The following USP13 variants were observed in gnomAD, a reference collection of about 807,000 sequenced individuals.
USP13 encodes ubiquitin specific peptidase 13.
USP13 carries 68 observed loss-of-function variants against 107.8 expected under a neutral mutation model. The ratio of observed to expected loss-of-function variants is 0.63; its 90% CI spans 0.52 to 0.77. The LOEUF (loss-of-function observed/expected upper bound fraction) is 0.77, where lower values mean the gene tolerates loss of function less well. USP13 is among the 30% of genes least tolerant of loss of function. The pLI is 0.00. For synonymous variants in USP13, 377 were observed against 389.5 expected (o/e 0.97, Z 0.38); for missense variants, 945 against 1,093.3 (o/e 0.86, Z 1.91).
chr3:179,728,339 G>A (rs111879533), intron 8 of USP13, among the ~76,000 whole-genome samples: 35,942 of 138,456 alleles, frequency 0.26, 5,036 homozygotes, highest in African/African-American at 0.39. Flanking sequence ...CTCACATCCC[G>A]GACGGGGCGG....
chr3:179,706,073 GTT>G, intron 4 of USP13, among the ~76,000 whole-genome samples: 1 of 151,874 alleles, frequency 6.6e-6, no homozygotes, highest in African/African-American at 2.4e-5. Context: ...TTGTGTACAG[GTT>G]TTTGTGTGGA....
chr3:179,722,052 C>T (rs1052804457), intron 8 of USP13, among the ~76,000 whole-genome samples: 17 of 130,042 alleles, frequency 1.3e-4, no homozygotes, highest in Non-Finnish European at 2.2e-4. Context: ...GGTAACAGAG[C>T]GAGAATCTGT....
At chr3:179,666,041 A>G (rs1226475636) in intron 1 of USP13, among the ~76,000 whole-genome samples, 2 of 152,308 alleles carry the variant, frequency 1.3e-5, no homozygotes, top group Admixed American at 6.5e-5. Flanking sequence ...GGACAAAGGT[A>G]TGGAGTTGGG....
Position 179,754,753 on chromosome 3 carries a change from A to T in USP13, c.1820A>T (p.Asp607Val). The T allele has an allele frequency of 6.2e-7, 1 of 1,613,478 alleles. No homozygotes were observed. The highest frequency in any genetic ancestry group is 8.5e-7 in the Non-Finnish European group (1 of 1,179,810). ...GCAGATGTTTCTATTGATATGCCAGACCTACTTGATATCAACCATCTCCGA... is the reference window on the plus strand; with the variant it reads ...GCAGATGTTTCTATTGATATGCCAGTCCTACTTGATATCAACCATCTCCGA... ...KKFDVSIDMP[D>V]LLDINHLRAR... The change falls in exon 15 of 21, where the codon GAC becomes GTC. Residue 607 changes from aspartate to valine, a missense_variant. Transcript: ENST00000263966.
intron 11 of USP13, among the ~76,000 whole-genome samples, 161 bp downstream of exon 11, chr3:179,740,533 C>T (rs1327879983): frequency 1.3e-5 from 2 of 152,208 alleles, no homozygotes; most frequent in African/African-American, 4.8e-5. Flanking sequence ...ACTCTCTGCT[C>T]AGCCAACTTG....
chr3:179,754,905 A>C (rs367699257), intron 15 of USP13, 51 bp downstream of exon 15: 8 of 1,536,986 alleles, frequency 5.2e-6, no homozygotes, highest in Non-Finnish European at 7.0e-6. Context: ...CCTGTTCTAT[A>C]GGAACAGTCT....
At chr3:179,758,648 G>A (rs1056719190) in intron 16 of USP13, among the ~76,000 whole-genome samples, 1 of 150,292 alleles carries the variant, frequency 6.7e-6, no homozygotes, top group Non-Finnish European at 1.5e-5. Flanking sequence ...ACAGGCGCCT[G>A]CCACCACAAC....
intron 10 of USP13, among the ~76,000 whole-genome samples, chr3:179,738,508 C>G (rs1282163632): frequency 1.4e-4 from 21 of 152,166 alleles, no homozygotes; most frequent in Admixed American, 1.4e-3. Context: ...TCTCAGCTTC[C>G]CGAGTGAAGA....
chr3:179,697,360 T>A (rs143277882), intron 3 of USP13, among the ~76,000 whole-genome samples: 1 of 152,322 alleles, frequency 6.6e-6, no homozygotes, highest in African/African-American at 2.4e-5. Context: ...ATCGCTTACC[T>A]CCAACAATTA....
At chr3:179,776,075 A>G (rs924776783) in intron 19 of USP13, among the ~76,000 whole-genome samples, 2 of 152,184 alleles carry the variant, frequency 1.3e-5, no homozygotes, top group East Asian at 3.9e-4. Flanking sequence ...TGGGGGTCAC[A>G]TTTCAACATG....
At chr3:179,699,286 G>T (rs1357194009) in intron 3 of USP13, among the ~76,000 whole-genome samples, 2 of 151,958 alleles carry the variant, frequency 1.3e-5, no homozygotes, top group African/African-American at 2.4e-5. Flanking sequence ...TTAAATTAAT[G>T]CCTGTACTTA....
At chr3:179,719,232 G>T (rs1380672749) in intron 6 of USP13, among the ~76,000 whole-genome samples, 1 of 152,120 alleles carries the variant, frequency 6.6e-6, no homozygotes, top group African/African-American at 2.4e-5. Context: ...TGGGGCAGTG[G>T]GGCAGGGCAG....
At chr3:179,700,730 G>A (rs566941862) in intron 3 of USP13, among the ~76,000 whole-genome samples, 17 of 152,278 alleles carry the variant, frequency 1.1e-4, no homozygotes, top group Admixed American at 2.6e-4. Context: ...TGAGAATTGA[G>A]TATCTTGCAC....
intron 19 of USP13, among the ~76,000 whole-genome samples, chr3:179,774,038 G>C (rs1271274034): frequency 1.3e-5 from 2 of 152,206 alleles, no homozygotes; most frequent in East Asian, 3.8e-4. Context: ...TAGCTCTTCA[G>C]AGTATACAAG....
chr3:179,716,719 A>C (rs1004893270), intron 6 of USP13, among the ~76,000 whole-genome samples: 16 of 152,220 alleles, frequency 1.1e-4, no homozygotes, highest in African/African-American at 3.6e-4. Context: ...ACATCTTCTC[A>C]TTCAGAGATT....
chr3:179,754,331 G>A lies in USP13; in HGVS notation c.1799-401G>A, dbSNP rs145358929. Among the ~76,000 whole-genome samples the A allele has an allele frequency of 2.4e-4, 36 of 152,354 alleles. 1 individual carries two copies. The East Asian group carries it at 6.6e-3, about 28-fold the overall frequency. ...CAGCTCCCGATGGTTGTTACCATAT[G>A]AGAATGTGCTACAGCTTTATGCTTT... On this transcript the variant is annotated intron_variant, in intron 14 of 20. Coordinates refer to ENST00000263966, the MANE Select transcript of USP13 (RefSeq NM_003940.3).
chr3:179,702,147 G>T (rs924337916), intron 4 of USP13, among the ~76,000 whole-genome samples: 4 of 152,130 alleles, frequency 2.6e-5, no homozygotes, highest in Non-Finnish European at 5.9e-5. Context: ...AGCCTCCCGA[G>T]TAGCTGGGAC....
At chr3:179,780,864 A>G (rs937360517) in intron 19 of USP13, among the ~76,000 whole-genome samples, 1 of 152,216 alleles carries the variant, frequency 6.6e-6, no homozygotes, top group Admixed American at 6.5e-5. Context: ...CAAAATCAAT[A>G]TGCAAGCCCA....
chr3:179,775,903 C>G (rs1170259486), intron 19 of USP13, among the ~76,000 whole-genome samples: 2 of 152,140 alleles, frequency 1.3e-5, no homozygotes, highest in African/African-American at 2.4e-5. Context: ...GGAGCTGGCT[C>G]CACTCTCAGC....
Sources: allele counts gnomAD v4.1 joint callset (sites outside exome capture counted in the v4.1 genomes callset), GRCh38; gene constraint gnomAD v4.1.1; transcripts MANE v1.5; gene names NCBI Gene and HGNC (gene_info 2026-07-23, HGNC 2026-07-21).